The following RBFOX1 variants were observed in gnomAD, a reference collection of about 807,000 sequenced individuals.
RBFOX1 encodes RNA binding fox-1 homolog 1.
RBFOX1 carries 8 observed loss-of-function variants against 57.7 expected under a neutral mutation model. The observed-to-expected ratio is 0.14, with a 90% CI of 0.08 to 0.25. The LOEUF (loss-of-function observed/expected upper bound fraction) is 0.25, where lower values mean the gene tolerates loss of function less well. RBFOX1 is among the 10% of genes least tolerant of loss of function. The pLI is 1.00. For missense variants in RBFOX1, 611 were observed against 548.5 expected, an observed-to-expected ratio of 1.11 and a Z score of -1.14; for synonymous variants, 326 against 222.4, an observed-to-expected ratio of 1.47 and a Z score of -4.15.
chr16:5,562,413 T>G (rs1013281237), intron 2 of RBFOX1, among the ~76,000 whole-genome samples: 1 of 152,032 alleles, frequency 6.6e-6, no homozygotes, highest in Non-Finnish European at 1.5e-5. Flanking sequence ...ATGTGTTAGA[T>G]CAGGGCTCTG....
chr16:5,652,268 T>G (rs1477498634), intron 3 of RBFOX1, among the ~76,000 whole-genome samples: 2 of 152,230 alleles, frequency 1.3e-5, no homozygotes, highest in Non-Finnish European at 2.9e-5. Context: ...TAAAACTACC[T>G]TATAGGGTAG....
At chr16:7,355,025 C>T (rs1397616208) in intron 4 of RBFOX1, among the ~76,000 whole-genome samples, 1 of 152,164 alleles carries the variant, frequency 6.6e-6, no homozygotes, top group Non-Finnish European at 1.5e-5. Flanking sequence ...TGTACTTGCC[C>T]TGTACCAGAC....
intron 2 of RBFOX1, among the ~76,000 whole-genome samples, chr16:6,579,936 C>G (rs2097510385): frequency 6.6e-6 from 1 of 151,852 alleles, no homozygotes. Flanking sequence ...GTTCATGGAC[C>G]TGTTCATCTT....
intron 4 of RBFOX1, among the ~76,000 whole-genome samples, chr16:7,145,037 A>G (rs1384519438): frequency 1.3e-5 from 2 of 152,082 alleles, no homozygotes; most frequent in Non-Finnish European, 2.9e-5. Context: ...TTCTGGGCAA[A>G]TCCTAGCCGG....
At chr16:5,612,565 G>T (rs757956277) in intron 3 of RBFOX1, among the ~76,000 whole-genome samples, 2 of 152,242 alleles carry the variant, frequency 1.3e-5, no homozygotes, top group Non-Finnish European at 2.9e-5. Context: ...ATAAAACCGG[G>T]CATACATGGT....
chr16:7,534,738 A>C (rs947144764), intron 5 of RBFOX1, among the ~76,000 whole-genome samples: 2 of 151,924 alleles, frequency 1.3e-5, no homozygotes, highest in Non-Finnish European at 2.9e-5. Context: ...ATAGGAGACT[A>C]TCCACTCGTA....
chr16:7,493,808 A>C (rs1429719508), intron 4 of RBFOX1, among the ~76,000 whole-genome samples: 1 of 152,238 alleles, frequency 6.6e-6, no homozygotes, highest in Non-Finnish European at 1.5e-5. Flanking sequence ...CATTGTGTGA[A>C]GCCACAATGT....
chr16:7,361,902 T>G (rs1419889489), intron 4 of RBFOX1, among the ~76,000 whole-genome samples: 2 of 151,288 alleles, frequency 1.3e-5, no homozygotes, highest in Non-Finnish European at 2.9e-5. Flanking sequence ...ATGTGTATTT[T>G]TTTGTGTTAG....
intron 1 of RBFOX1, among the ~76,000 whole-genome samples, chr16:6,127,615 G>C (rs1431859366): frequency 6.6e-6 from 1 of 152,146 alleles, no homozygotes; most frequent in East Asian, 1.9e-4. Flanking sequence ...AAATAATTCT[G>C]TTCTCCAGTC....
intron 2 of RBFOX1, among the ~76,000 whole-genome samples, chr16:6,347,210 T>A (rs759584344): frequency 6.6e-6 from 1 of 152,094 alleles, no homozygotes. Context: ...CCTGGAATAG[T>A]AAAGTGATGT....
intron 1 of RBFOX1, among the ~76,000 whole-genome samples, chr16:6,264,972 C>A (rs772027329): frequency 1.8e-4 from 28 of 152,170 alleles, no homozygotes; most frequent in Admixed American, 4.6e-4. Context: ...CTGATAAGAG[C>A]AAACGCTTGA....
intron 1 of RBFOX1, among the ~76,000 whole-genome samples, chr16:6,209,528 C>T (rs1213403338): frequency 6.6e-6 from 1 of 152,216 alleles, no homozygotes; most frequent in Non-Finnish European, 1.5e-5. Flanking sequence ...AGGCAATTTG[C>T]AGATAAAGTC....
intron 4 of RBFOX1, among the ~76,000 whole-genome samples, chr16:7,274,034 A>G (rs1301109334): frequency 6.6e-6 from 1 of 152,204 alleles, no homozygotes; most frequent in Non-Finnish European, 1.5e-5. Context: ...CAACACTTAG[A>G]TATTTGAAAT....
At chr16:6,548,948 G>T (rs533638368) in intron 2 of RBFOX1, among the ~76,000 whole-genome samples, 3 of 150,644 alleles carry the variant, frequency 2.0e-5, no homozygotes, top group Admixed American at 2.0e-4. Flanking sequence ...TGGTGGCGGC[G>T]CCTGTAATCC....
intron 3 of RBFOX1, among the ~76,000 whole-genome samples, chr16:6,821,133 T>C (rs189478017): frequency 3.3e-5 from 5 of 152,188 alleles, no homozygotes; most frequent in African/African-American, 1.2e-4. Context: ...GTGATGAGAT[T>C]CAGTGCCAGG....
Position 5,423,847 on chromosome 16 carries a change from T to C in RBFOX1, c.220-43369T>C, listed in dbSNP as rs147250961. ...CTCTTGTTGTCTTCTCGAGCTCCAG[T>C]GGCCAGGCTCATTGAGGCCAGGCAT... On this transcript the variant is annotated intron_variant, in intron 1 of 2. Transcript: ENST00000585867. Among the ~76,000 whole-genome samples the C allele has an allele frequency of 2.1e-3, 321 of 152,294 alleles. 1 individual carries two copies. Among genetic ancestry groups the C allele is most frequent in the African/African-American group, 7.4e-3 (309 of 41,560 alleles).
chr16:5,608,558 A>G (rs2047668499), intron 3 of RBFOX1, among the ~76,000 whole-genome samples: 1 of 152,216 alleles, frequency 6.6e-6, no homozygotes. Context: ...TTGATAAATC[A>G]AATTGTTATG....
At chr16:7,064,078 T>C (rs561611681) in intron 4 of RBFOX1, among the ~76,000 whole-genome samples, 62 of 152,210 alleles carry the variant, frequency 4.1e-4, no homozygotes, top group Non-Finnish European at 7.6e-4. Context: ...AATGTGACTG[T>C]ACTTGAAGCT....
intron 4 of RBFOX1, among the ~76,000 whole-genome samples, chr16:7,470,972 C>G (rs879712498): frequency 3.3e-5 from 5 of 151,706 alleles, no homozygotes; most frequent in African/African-American, 4.8e-5. Context: ...CAATGACAGT[C>G]TTTTCCATGA....
Sources: gnomAD v4.1 joint callset for allele counts (sites outside exome capture counted in the v4.1 genomes callset) on GRCh38, gnomAD v4.1.1 for gene constraint, MANE v1.5 for transcripts, NCBI Gene and HGNC (gene_info 2026-07-23, HGNC 2026-07-21) for gene names.